ZRANB3: variants seen among roughly 807,000 people sequenced by gnomAD.
ZRANB3 encodes the protein DNA annealing helicase and endonuclease ZRANB3.
In ZRANB3, 125 loss-of-function variants were observed where a neutral mutation model predicts 133.8. The observed-to-expected ratio is 0.93, with a 90% CI of 0.81 to 1.08. ZRANB3 has a LOEUF of 1.08. Ranked by LOEUF, ZRANB3 falls within the 50% of genes least tolerant of loss-of-function variation. The probability of loss-of-function intolerance (pLI) is 0.00; values close to 1 mark genes in which losing one functional copy is unlikely to be tolerated. For missense variants in ZRANB3, 1,229 were observed against 1,275.5 expected, an observed-to-expected ratio of 0.96 and a Z score of 0.56; for synonymous variants, 387 against 432.7, an observed-to-expected ratio of 0.89 and a Z score of 1.31.
intron 2 of ZRANB3, among the ~76,000 whole-genome samples, chr2:135,402,730 T>C (rs1306767067): frequency 6.6e-6 from 1 of 151,424 alleles, no homozygotes; most frequent in Non-Finnish European, 1.5e-5. Context: ...GAATTACAGG[T>C]GCGGGCCACC....
At chr2:135,311,564 A>G (rs1272982699) in intron 8 of ZRANB3, among the ~76,000 whole-genome samples, 6 of 151,148 alleles carry the variant, frequency 4.0e-5, no homozygotes, top group African/African-American at 1.5e-4. Context: ...CCAAATGTCC[A>G]TTAATAGGTG....
intron 1 of ZRANB3, among the ~76,000 whole-genome samples, chr2:135,508,959 G>T (rs1171395812): frequency 2.0e-5 from 3 of 150,408 alleles, no homozygotes; most frequent in Admixed American, 1.3e-4. Flanking sequence ...TAACTTAAAA[G>T]GTTTTATTCA....
chr2:135,264,523 A>ATTC (rs1457657073), intron 12 of ZRANB3, among the ~76,000 whole-genome samples: 29 of 151,928 alleles, frequency 1.9e-4, no homozygotes, highest in Admixed American at 1.9e-3. Flanking sequence ...TTCAAAGGTG[A>ATTC]TTCATGCAAA....
intron 2 of ZRANB3, among the ~76,000 whole-genome samples, chr2:135,422,498 G>A (rs35655397): frequency 6.6e-6 from 1 of 151,782 alleles, no homozygotes; most frequent in Non-Finnish European, 1.5e-5. Context: ...GCGGGGGGCA[G>A]GGGGGCGGCG....
chr2:135,254,814 G>A (rs1174697330), intron 12 of ZRANB3, among the ~76,000 whole-genome samples: 1 of 151,412 alleles, frequency 6.6e-6, no homozygotes, highest in Non-Finnish European at 1.5e-5. Context: ...ACAGTGGCGC[G>A]ATCTCAGCTC....
chr2:135,216,687 G>A (rs1423856643), intron 17 of ZRANB3, among the ~76,000 whole-genome samples: 3 of 150,714 alleles, frequency 2.0e-5, no homozygotes, highest in African/African-American at 7.3e-5. Flanking sequence ...CAATCTACCC[G>A]CCTTGGCCTC....
intron 2 of ZRANB3, among the ~76,000 whole-genome samples, chr2:135,414,622 AC>A (rs1336659488): frequency 3.3e-5 from 5 of 152,088 alleles, no homozygotes; most frequent in African/African-American, 1.2e-4. Flanking sequence ...CAGCTACAGA[AC>A]TCTCCATCCC....
intron 2 of ZRANB3, among the ~76,000 whole-genome samples, chr2:135,402,269 T>A (rs953947155): frequency 6.6e-6 from 1 of 151,740 alleles, no homozygotes; most frequent in Non-Finnish European, 1.5e-5. Context: ...TTATTGCATA[T>A]ACACGTGTTA....
chr2:135,383,833 C>T (rs1686835254), intron 3 of ZRANB3, among the ~76,000 whole-genome samples: 1 of 152,140 alleles, frequency 6.6e-6, no homozygotes, highest in African/African-American at 2.4e-5. Context: ...CTTTGGGACA[C>T]ATTTAAAGCA....
intron 6 of ZRANB3, among the ~76,000 whole-genome samples, chr2:135,318,918 T>C (rs1337908449): frequency 6.6e-6 from 1 of 152,250 alleles, no homozygotes; most frequent in Non-Finnish European, 1.5e-5. Context: ...CTACATATTG[T>C]ATTCTTATCT....
chr2:135,404,771 A>C (rs1256327952), intron 2 of ZRANB3, among the ~76,000 whole-genome samples: 2 of 152,236 alleles, frequency 1.3e-5, no homozygotes, highest in African/African-American at 4.8e-5. Flanking sequence ...AAACTCTACA[A>C]GCCAGAAGAG....
At chr2:135,509,140 A>G (rs570481991) in intron 1 of ZRANB3, among the ~76,000 whole-genome samples, 2 of 152,312 alleles carry the variant, frequency 1.3e-5, no homozygotes, top group African/African-American at 4.8e-5. Context: ...ATAACAAAAT[A>G]GAAAATTTAC....
chr2:135,502,239 G>C (rs2104820150), intron 2 of ZRANB3, among the ~76,000 whole-genome samples: 1 of 152,066 alleles, frequency 6.6e-6, no homozygotes, highest in African/African-American at 2.4e-5. Context: ...GAAAAGAAAG[G>C]ACAATTCTAA....
chr2:135,268,406 A>C (rs1477421883), intron 11 of ZRANB3, among the ~76,000 whole-genome samples: 1 of 152,108 alleles, frequency 6.6e-6, no homozygotes, highest in East Asian at 1.9e-4. Flanking sequence ...ACCTCAGGTG[A>C]TCCACCCATC....
intron 8 of ZRANB3, among the ~76,000 whole-genome samples, chr2:135,291,865 G>A (rs375096289): frequency 2.0e-5 from 3 of 151,816 alleles, no homozygotes; most frequent in Non-Finnish European, 2.9e-5. Context: ...TTCTCCTTGC[G>A]ATAGTTTGCT....
chr2:135,316,967 G>GAAAAA lies in ZRANB3; in HGVS notation c.678-1442_678-1438dup, dbSNP rs36092486. ...GTGACAGAGCGAGATTCCGTCTCGA[G>GAAAAA]AAAAAAAAAAAAAAAAATATATATA... On this transcript the variant is annotated intron_variant, in intron 6 of 20. Transcript: ENST00000264159. Among the ~76,000 whole-genome samples the GAAAAA allele has an allele frequency of 6.3e-3, 621 of 98,052 alleles. 17 individuals carry two copies. Among genetic ancestry groups the GAAAAA allele is most frequent in the Admixed American group, 0.042 (381 of 9,060 alleles). 64.3% of individuals were successfully genotyped at this position (98,052 alleles called of 152,430 possible).
chr2:135,225,831 G>A (rs1195310286), intron 14 of ZRANB3, among the ~76,000 whole-genome samples: 1 of 152,148 alleles, frequency 6.6e-6, no homozygotes, highest in African/African-American at 2.4e-5. Flanking sequence ...TTATTTTCTT[G>A]TAAAGGAATA....
Position 135,324,741 on chromosome 2 carries a change from C to T in ZRANB3, c.678-9211G>A, listed in dbSNP as rs565845346. 1.2e-4 allele frequency among the ~76,000 whole-genome samples: 19 copies of T among 152,258 alleles called. No individual in the cohort carries two copies. In the South Asian group the frequency reaches 3.1e-3, roughly 25 times the overall value. On this transcript the variant is annotated intron_variant, in intron 6 of 20. Coordinates refer to ENST00000264159, the MANE Select transcript of ZRANB3 (RefSeq NM_032143.4). ...TATTTCTCCACATCCTCTCCAGCAC[C>T]TGTTGTTTCCTGACTTTTTAATGAT...
intron 2 of ZRANB3, among the ~76,000 whole-genome samples, chr2:135,428,422 T>C (rs1161524119): frequency 2.3e-5 from 3 of 130,226 alleles, no homozygotes; most frequent in African/African-American, 1.0e-4. Context: ...TGAGACTTTG[T>C]TTCCAAAAAA....
Sources: allele counts gnomAD v4.1 joint callset (sites outside exome capture counted in the v4.1 genomes callset), GRCh38; gene constraint gnomAD v4.1.1; transcripts MANE v1.5; gene names NCBI Gene and HGNC (gene_info 2026-07-23, HGNC 2026-07-21).